The following COL22A1 variants were observed in gnomAD, a reference collection of about 807,000 sequenced individuals.
The protein encoded by COL22A1 is collagen type XXII alpha 1 chain.
A neutral mutation model predicts 248.9 loss-of-function variants in COL22A1; 221 were observed. That is an observed-to-expected ratio of 0.89 (90% CI 0.80 to 0.99). The LOEUF (loss-of-function observed/expected upper bound fraction) is 0.99, where lower values mean the gene tolerates loss of function less well. Ranked by LOEUF, COL22A1 falls within the 50% of genes least tolerant of loss-of-function variation. The pLI is 0.00. For synonymous variants in COL22A1, 891 were observed against 793.4 expected (o/e 1.12, Z -2.07); for missense variants, 2,240 against 2,179.0 (o/e 1.03, Z -0.56).
intron 3 of COL22A1, among the ~76,000 whole-genome samples, chr8:138,869,723 A>AG (rs1823174036): frequency 6.6e-6 from 1 of 152,244 alleles, no homozygotes; most frequent in African/African-American, 2.4e-5. Context: ...AGTCCTAATA[A>AG]GCCTCCCAAG....
intron 4 of COL22A1, among the ~76,000 whole-genome samples, chr8:138,837,747 C>A (rs974379862): frequency 6.6e-6 from 1 of 152,154 alleles, no homozygotes; most frequent in South Asian, 2.1e-4. Flanking sequence ...GAGGGCCCTG[C>A]GGTTCCAGGG....
intron 16 of COL22A1, among the ~76,000 whole-genome samples, chr8:138,768,907 A>T (rs899075402): frequency 6.6e-6 from 1 of 152,078 alleles, no homozygotes; most frequent in Non-Finnish European, 1.5e-5. Flanking sequence ...ATTGCACTCC[A>T]GCCTGGGCAA....
intron 36 of COL22A1, among the ~76,000 whole-genome samples, chr8:138,689,322 A>C (rs963251756): frequency 6.6e-6 from 1 of 152,184 alleles, no homozygotes; most frequent in African/African-American, 2.4e-5. Context: ...ACCCAGCCTT[A>C]GCATTGGGGC....
intron 6 of COL22A1, among the ~76,000 whole-genome samples, chr8:138,824,116 A>G (rs73723543): frequency 0.047 from 7,163 of 152,296 alleles, 553 homozygotes; most frequent in African/African-American, 0.16. Context: ...AAACCCTGTC[A>G]AATGATCTAA....
chr8:138,861,826 C>CA (rs1822483938), intron 3 of COL22A1, among the ~76,000 whole-genome samples: 1 of 152,092 alleles, frequency 6.6e-6, no homozygotes, highest in African/African-American at 2.4e-5. Context: ...GTACAGTTTG[C>CA]AAAAAATTCA....
chr8:138,630,676 CA>C lies in COL22A1; in HGVS notation c.3663+18del. 1 of 1,610,736 alleles carries C rather than the reference CA, an allele frequency of 6.2e-7. No homozygotes were observed. Among genetic ancestry groups the C allele is most frequent in the Non-Finnish European group, 8.5e-7 (1 of 1,177,036 alleles). ...CTAAAGACAGATTAAAAACAGATCC[CA>C]TTCCTTGAGGAACTTACAGGTGACC... On this transcript the variant is annotated intron_variant, in intron 50 of 64. Transcript: ENST00000303045.
In COL22A1 at chr8:138,858,360, CTTTGTTTTGT is replaced by C. The variant is rs759263563; in HGVS notation, c.659-14212_659-14203del. Among the ~76,000 whole-genome samples, 28 of 152,066 alleles carry C rather than the reference CTTTGTTTTGT, an allele frequency of 1.8e-4. 1 individual carries two copies. The highest frequency in any genetic ancestry group is 9.2e-4 in the Admixed American group (14 of 15,280). ...GAATTTTTTTTCTTTTTTTCTTTTTCTTTGTTTTGTTTTGTTTTGTTTTGATTTGTTTTGT... is the reference window on the plus strand; with the variant it reads ...GAATTTTTTTTCTTTTTTTCTTTTTCTTTGTTTTGTTTTGATTTGTTTTGT... On this transcript the variant is annotated intron_variant, in intron 3 of 64. Coordinates refer to ENST00000303045, the MANE Select transcript of COL22A1 (RefSeq NM_152888.3).
At chr8:138,652,735 G>GTTTTTTTTTTTTTTTTTTTTGTTTTTT (rs1822861389) in intron 45 of COL22A1, among the ~76,000 whole-genome samples, 1 of 54,244 alleles carries the variant, frequency 1.8e-5, no homozygotes, top group Non-Finnish European at 3.5e-5. Context: ...TCCTTTTCTG[G>GTTTTTTTTTTTTTTTTTTTTGTTTTTT]TTTTTTTTTT....
At chr8:138,868,666 G>T (rs554471775) in intron 3 of COL22A1, among the ~76,000 whole-genome samples, 1 of 151,876 alleles carries the variant, frequency 6.6e-6, no homozygotes, top group Admixed American at 6.5e-5. Context: ...TGTATCAAGA[G>T]TTCCCCAGGT....
Position 138,656,024 on chromosome 8 carries a change from A to C in COL22A1, c.3286-80T>G, listed in dbSNP as rs116338968. 3.2e-3 allele frequency: 3,832 copies of C among 1,193,218 alleles called. 79 individuals carry two copies. The African/African-American group carries it at 0.053, about 16-fold the overall frequency. 73.9% of individuals were successfully genotyped at this position (1,193,218 alleles called of 1,614,324 possible). A position where few individuals can be genotyped will look rare whatever the true frequency, so the allele number is the denominator to read the frequency against. On this transcript the variant is annotated intron_variant, in intron 44 of 64. Coordinates refer to ENST00000303045, the MANE Select transcript of COL22A1 (RefSeq NM_152888.3). ...CCAGGCATCTTCAGAAAGCAAAAGG[A>C]CTTTAAAGTGTGACACAATACGTGA...
chr8:138,689,689 T>C (rs541842779), intron 36 of COL22A1, among the ~76,000 whole-genome samples: 1 of 152,244 alleles, frequency 6.6e-6, no homozygotes, highest in African/African-American at 2.4e-5. Flanking sequence ...CACCCCAGCC[T>C]GGGTGACAGA....
In COL22A1 at chr8:138,616,814, G is replaced by C. The variant is rs905611807; in HGVS notation, c.3870+100C>G. 10 of 1,378,386 alleles carry C rather than the reference G, an allele frequency of 7.3e-6. No homozygotes were observed. In the African/African-American group the frequency reaches 1.1e-4, roughly 16 times the overall value. 85.4% of individuals were successfully genotyped at this position (1,378,386 alleles called of 1,614,324 possible). Reference sequence around the variant, plus strand: ...TGGTGTGCTCCACGTCCTCTCTCGGGTAAGGCACTGCCATGGCCTGCAGGC... The same window carrying C: ...TGGTGTGCTCCACGTCCTCTCTCGGCTAAGGCACTGCCATGGCCTGCAGGC... On this transcript the variant is annotated intron_variant, in intron 54 of 64. Coordinates refer to ENST00000303045, the MANE Select transcript of COL22A1 (RefSeq NM_152888.3).
At chr8:138,763,541 C>A (rs1317976706) in intron 16 of COL22A1, among the ~76,000 whole-genome samples, 5 of 152,290 alleles carry the variant, frequency 3.3e-5, no homozygotes, top group African/African-American at 9.6e-5. Context: ...AAGTCCTGGG[C>A]TAACTCAGGC....
At chr8:138,680,190 G>A (rs1245589028) in intron 39 of COL22A1, among the ~76,000 whole-genome samples, 1 of 152,244 alleles carries the variant, frequency 6.6e-6, no homozygotes, top group Non-Finnish European at 1.5e-5. Flanking sequence ...AGAATCGGTA[G>A]CACAGTGTCC....
chr8:138,632,837 G>T (rs981478292), intron 49 of COL22A1, among the ~76,000 whole-genome samples: 1 of 152,170 alleles, frequency 6.6e-6, no homozygotes, highest in African/African-American at 2.4e-5. Flanking sequence ...AATTAAATAT[G>T]TAGTCCAAAG....
At chr8:138,624,502 G>A (rs1217130952) in intron 51 of COL22A1, among the ~76,000 whole-genome samples, 2 of 152,104 alleles carry the variant, frequency 1.3e-5, no homozygotes, top group Non-Finnish European at 2.9e-5. Flanking sequence ...GAGGGATGGA[G>A]AAATGGATAT....
chr8:138,685,231 C>T lies in COL22A1; in HGVS notation c.2944G>A (p.Gly982Arg), dbSNP rs372695546. The change falls in exon 38 of 65, where the codon GGA becomes AGA. Residue 982 changes from glycine (G) to arginine (R), a missense_variant. By Grantham distance (125) the Gly-to-Arg change is moderately radical (BLOSUM62 -2). Coordinates refer to ENST00000303045, the MANE Select transcript of COL22A1 (RefSeq NM_152888.3). The stretch of plus-strand genomic sequence containing the variant: ...ACCGGCTCTCCATCCTTCCCTTTTC[C>T]GGGTGGCCCAGGGAGCCCAGGAGCA... ...PGAPGLPGPPGKGKDGEPGLR... is the reference protein window; with the variant it reads ...PGAPGLPGPPRKGKDGEPGLR... The T allele has an allele frequency of 9.7e-5, 156 of 1,613,360 alleles. 1 individual carries two copies. Among genetic ancestry groups the T allele is most frequent in the East Asian group, 8.0e-4 (36 of 44,824 alleles).
At chr8:138,630,136 T>C (rs1352510581) in intron 50 of COL22A1, among the ~76,000 whole-genome samples, 1 of 152,032 alleles carries the variant, frequency 6.6e-6, no homozygotes, top group Non-Finnish European at 1.5e-5. Context: ...AAACCAAGAG[T>C]GGTTCTGGCA....
intron 3 of COL22A1, among the ~76,000 whole-genome samples, chr8:138,845,242 G>A (rs1040586129): frequency 6.7e-6 from 1 of 150,168 alleles, no homozygotes; most frequent in African/African-American, 2.5e-5. Flanking sequence ...AAGGGCAGGT[G>A]TGGTGGCTCA....
Sources: allele counts gnomAD v4.1 joint callset (sites outside exome capture counted in the v4.1 genomes callset), GRCh38; gene constraint gnomAD v4.1.1; transcripts MANE v1.5; gene names NCBI Gene and HGNC (gene_info 2026-07-23, HGNC 2026-07-21).